PCDHA2: variants seen among roughly 807,000 people sequenced by gnomAD.
The protein encoded by PCDHA2 is protocadherin alpha-2.
A neutral mutation model predicts 66.0 loss-of-function variants in PCDHA2; 58 were observed. That is an observed-to-expected ratio of 0.88 (90% CI 0.71 to 1.09). The LOEUF (loss-of-function observed/expected upper bound fraction) is 1.09, where lower values mean the gene tolerates loss of function less well. PCDHA2 is among the 50% of genes least tolerant of loss of function. PCDHA2 has a pLI of 0.00. For synonymous variants in PCDHA2, 634 were observed against 554.0 expected (o/e 1.14, Z -2.03); for missense variants, 1,267 against 1,242.3 (o/e 1.02, Z -0.30).
intron 3 of PCDHA2, among the ~76,000 whole-genome samples, chr5:140,991,587 C>T (rs1469333893): frequency 1.3e-5 from 2 of 152,208 alleles, no homozygotes; most frequent in African/African-American, 2.4e-5. Flanking sequence ...CTTATTTCTA[C>T]CTGAGCCCTC....
rs782769711 is a variant in PCDHA2 at position 140,857,323 on chromosome 5, C to G, written c.2388+59971C>G. 1.0e-5 allele frequency: 16 copies of G among 1,598,498 alleles called. 1 individual carries two copies. Among genetic ancestry groups the G allele is most frequent in the Admixed American group, 1.7e-5 (1 of 59,312 alleles). ...TGTCGGCCTATGAGCTGGTGGTGAC[C>G]GCGCGGGACGGGGGCTCGCCTCCGC... On this transcript the variant is annotated intron_variant, in intron 1 of 3. Coordinates refer to ENST00000526136, the MANE Select transcript of PCDHA2 (RefSeq NM_018905.3).
At chr5:140,991,640 T>C (rs1315335320) in intron 3 of PCDHA2, among the ~76,000 whole-genome samples, 1 of 152,194 alleles carries the variant, frequency 6.6e-6, no homozygotes, top group Non-Finnish European at 1.5e-5. Flanking sequence ...AACAATCTGT[T>C]CATGACAATT....
intron 1 of PCDHA2, chr5:140,852,488 G>A (rs1554145834): frequency 4.7e-6 from 1 of 213,506 alleles, no homozygotes; most frequent in African/African-American, 2.4e-5. Context: ...ATGTTGGCCA[G>A]GTTGGTCTCG....
rs1487503403 is a variant in PCDHA2 at position 140,941,191 on chromosome 5, T to TTTCTTTC, written c.2389-37756_2389-37755insCTTTCTT. Among the ~76,000 whole-genome samples, 158 of 93,240 alleles carry TTTCTTTC rather than the reference T, an allele frequency of 1.7e-3. 2 individuals carry two copies. Among genetic ancestry groups the TTTCTTTC allele is most frequent in the South Asian group, 0.011 (38 of 3,542 alleles). 61.2% of individuals were successfully genotyped at this position (93,240 alleles called of 152,430 possible). A position where few individuals can be genotyped will look rare whatever the true frequency, so the allele number is the denominator to read the frequency against. ...CATCTTGAACATCCTGCTTCTTTTT[T>TTTCTTTC]TTTCTTTCTTCCTTTCTTTCTTCCT... On this transcript the variant is annotated intron_variant, in intron 1 of 3. Transcript: ENST00000526136.
At chr5:140,802,903 G>A in intron 1 of PCDHA2, 2 of 1,613,792 alleles carry the variant, frequency 1.2e-6, no homozygotes, top group South Asian at 1.1e-5. Flanking sequence ...CTGATGCCTC[G>A]GGTGGGTGGC....
chr5:140,854,725 G>GT (rs2043207581), intron 1 of PCDHA2: 1 of 149,714 alleles, frequency 6.7e-6, no homozygotes, highest in Non-Finnish European at 1.5e-5. Context: ...GAAAACTCAA[G>GT]TTTTTTTCAG....
chr5:140,918,445 A>G (rs2078702084), intron 1 of PCDHA2, among the ~76,000 whole-genome samples: 1 of 152,144 alleles, frequency 6.6e-6, no homozygotes, highest in African/African-American at 2.4e-5. Context: ...GAGTGGTGAC[A>G]GTGGGCATCC....
At chr5:140,858,001 G>A in intron 1 of PCDHA2, 1 of 1,597,108 alleles carries the variant, frequency 6.3e-7, no homozygotes, top group East Asian at 2.2e-5. Flanking sequence ...TGCTGGTGAA[G>A]GACCATGGCG....
intron 1 of PCDHA2, chr5:140,806,925 C>A: frequency 1.9e-6 from 1 of 514,550 alleles, no homozygotes; most frequent in Non-Finnish European, 3.4e-6. Context: ...ATAAATAAAA[C>A]CAAGTAGTTT....
chr5:140,926,702 G>C (rs2083474783), intron 1 of PCDHA2: 1 of 832,476 alleles, frequency 1.2e-6, no homozygotes, highest in South Asian at 2.8e-5. Context: ...CCGGCTCCCA[G>C]CTGGCCAGCC....
chr5:140,807,829 C>T (rs144103385), intron 1 of PCDHA2: 26 of 1,614,004 alleles, frequency 1.6e-5, no homozygotes, highest in Middle Eastern at 1.6e-4. Flanking sequence ...TGCTCACAGC[C>T]ACTGATGGAG....
chr5:140,933,900 G>T (rs941556210), intron 1 of PCDHA2, among the ~76,000 whole-genome samples: 1 of 151,518 alleles, frequency 6.6e-6, no homozygotes, highest in South Asian at 2.1e-4. Flanking sequence ...GAATATTTTG[G>T]CATAAAGTTG....
rs555772582 is a variant in PCDHA2 at position 140,796,245 on chromosome 5, A to G, written c.1281A>G (p.Ala427=). 5.1e-5 allele frequency: 83 copies of G among 1,614,016 alleles called. No homozygotes were observed. The Admixed American group carries it at 5.5e-4, about 11-fold the overall frequency. ...SVSAYELVVT[A]RDGGSPSLWA... is the part of the protein sequence containing the mutation. Reference sequence around the variant, plus strand: ...CAGCCTATGAGCTGGTGGTGACCGCACGGGACGGGGGCTCGCCTTCACTGT... The same window carrying G: ...CAGCCTATGAGCTGGTGGTGACCGCGCGGGACGGGGGCTCGCCTTCACTGT... The change falls in exon 1 of 4, where the codon GCA becomes GCG. Residue 427 remains alanine, a synonymous_variant. Transcript: ENST00000526136.
intron 1 of PCDHA2, chr5:140,882,976 T>A: frequency 6.2e-7 from 1 of 1,614,220 alleles, no homozygotes; most frequent in South Asian, 1.1e-5. Context: ...TGGACGTGAA[T>A]GACAACGCCC....
intron 1 of PCDHA2, chr5:140,813,568 T>G (rs1459643062): frequency 6.6e-6 from 1 of 152,268 alleles, no homozygotes; most frequent in Non-Finnish European, 1.5e-5. Context: ...GAATGGAGAC[T>G]GCGGGGCTGG....
At chr5:140,841,592 G>C (rs2150318717) in intron 1 of PCDHA2, 1 of 1,614,096 alleles carries the variant, frequency 6.2e-7, no homozygotes, top group African/African-American at 1.3e-5. Context: ...TTCTCGGATC[G>C]ACCGCGAGGA....
chr5:140,948,670 A>G (rs951520840), intron 1 of PCDHA2, among the ~76,000 whole-genome samples: 1 of 151,654 alleles, frequency 6.6e-6, no homozygotes. Context: ...TAGTGATAAC[A>G]TCTTTTTCAT....
In PCDHA2 at chr5:140,869,699, C is replaced by A. The variant is rs10071369; in HGVS notation, c.2388+72347C>A. On this transcript the variant is annotated intron_variant, in intron 1 of 3. Transcript: ENST00000526136. ...AGACTGTCACTTATTTTAAAGAAGTCTCTGGATAGAGAGAAAACTCCGGAA... is the reference window on the plus strand; with the variant it reads ...AGACTGTCACTTATTTTAAAGAAGTATCTGGATAGAGAGAAAACTCCGGAA... 1,310 of 1,613,374 alleles carry A rather than the reference C, an allele frequency of 8.1e-4. 10 individuals carry two copies. In the African/African-American group the frequency reaches 0.014, roughly 18 times the overall value.
At chr5:140,911,952 G>A (rs2075698662) in intron 1 of PCDHA2, among the ~76,000 whole-genome samples, 1 of 152,170 alleles carries the variant, frequency 6.6e-6, no homozygotes, top group South Asian at 2.1e-4. Context: ...ATAAAGGGGA[G>A]GTTACTAAGG....
Sources: gnomAD v4.1 joint callset for allele counts (sites outside exome capture counted in the v4.1 genomes callset) on GRCh38, gnomAD v4.1.1 for gene constraint, MANE v1.5 for transcripts, NCBI Gene and HGNC (gene_info 2026-07-23, HGNC 2026-07-21) for gene names.